CTNNA3: variants seen among roughly 807,000 people sequenced by gnomAD.
CTNNA3 encodes catenin alpha 3, also known as catenin alpha-3.
Under a neutral mutation model 95.7 loss-of-function variants are expected in CTNNA3, and 76 were observed. The observed-to-expected ratio is 0.79, with a 90% CI of 0.66 to 0.96. CTNNA3 has a LOEUF of 0.96. Ranked by LOEUF, CTNNA3 falls within the 40% of genes least tolerant of loss-of-function variation. The pLI is 0.00. For synonymous variants in CTNNA3, 431 were observed against 374.4 expected (o/e 1.15, Z -1.74); for missense variants, 1,191 against 1,089.8 (o/e 1.09, Z -1.31).
intron 11 of CTNNA3, among the ~76,000 whole-genome samples, chr10:66,425,463 G>A (rs2093231476): frequency 6.6e-6 from 1 of 151,120 alleles, no homozygotes; most frequent in Admixed American, 6.6e-5. Flanking sequence ...TTTATTAATT[G>A]TGTAACTGTA....
intron 11 of CTNNA3, among the ~76,000 whole-genome samples, chr10:66,498,440 CA>C (rs1840170191): frequency 6.6e-6 from 1 of 152,058 alleles, no homozygotes; most frequent in African/African-American, 2.4e-5. Flanking sequence ...TTTGTTCATA[CA>C]ACTTATCCAA....
At chr10:66,926,467 T>C in intron 7 of CTNNA3, 1 of 1,200,068 alleles carries the variant, frequency 8.3e-7, no homozygotes, top group South Asian at 1.3e-5. Context: ...GTCCAATTTT[T>C]CTTCCTGGGT....
chr10:67,016,905 A>G (rs1257781042), intron 7 of CTNNA3, among the ~76,000 whole-genome samples: 1 of 152,182 alleles, frequency 6.6e-6, no homozygotes, highest in Non-Finnish European at 1.5e-5. Flanking sequence ...TTTATATCCT[A>G]TCAAAATAAG....
At chr10:66,335,041 A>T (rs967977890) in intron 12 of CTNNA3, among the ~76,000 whole-genome samples, 1 of 151,966 alleles carries the variant, frequency 6.6e-6, no homozygotes, top group African/African-American at 2.4e-5. Context: ...AGGCTTATGC[A>T]TTTGTCATGT....
At chr10:66,789,537 C>A (rs1274391195) in intron 7 of CTNNA3, among the ~76,000 whole-genome samples, 1 of 152,004 alleles carries the variant, frequency 6.6e-6, no homozygotes, top group East Asian at 1.9e-4. Flanking sequence ...TCTAAATTCA[C>A]GAAAATTTAC....
At chr10:67,194,081 A>C (rs2132184240) in intron 6 of CTNNA3, among the ~76,000 whole-genome samples, 1 of 152,020 alleles carries the variant, frequency 6.6e-6, no homozygotes, top group South Asian at 2.1e-4. Context: ...CTTTTTTAAA[A>C]CTATGTTTGT....
chr10:66,614,419 T>A (rs1403412375), intron 10 of CTNNA3, among the ~76,000 whole-genome samples: 2 of 152,022 alleles, frequency 1.3e-5, no homozygotes, highest in African/African-American at 4.8e-5. Flanking sequence ...GGAACAAAAA[T>A]TCCTATCCTC....
intron 3 of CTNNA3, among the ~76,000 whole-genome samples, chr10:67,593,525 G>T (rs1204431590): frequency 6.6e-6 from 1 of 152,100 alleles, no homozygotes; most frequent in African/African-American, 2.4e-5. Flanking sequence ...TGGCTATTGT[G>T]AATGGATTGT....
intron 17 of CTNNA3, among the ~76,000 whole-genome samples, chr10:65,957,874 TTCTTGAGGAGTA>T (rs2077765128): frequency 6.6e-6 from 1 of 152,174 alleles, no homozygotes; most frequent in Non-Finnish European, 1.5e-5. Flanking sequence ...GGAACTGTTC[TTCTTGAGGAGTA>T]TCTTTGTGGT....
At chr10:66,846,424 T>C (rs950808787) in intron 7 of CTNNA3, among the ~76,000 whole-genome samples, 1 of 151,844 alleles carries the variant, frequency 6.6e-6, no homozygotes, top group African/African-American at 2.4e-5. Context: ...TAACATATTG[T>C]ATACTTGAAA....
At chr10:66,232,311 AAG>A (rs1389071061) in intron 13 of CTNNA3, among the ~76,000 whole-genome samples, 1 of 152,222 alleles carries the variant, frequency 6.6e-6, no homozygotes, top group Non-Finnish European at 1.5e-5. Context: ...TCAATATTGT[AAG>A]GATTTCAGTT....
intron 7 of CTNNA3, among the ~76,000 whole-genome samples, chr10:66,971,521 C>G (rs943074073): frequency 2.6e-5 from 4 of 152,114 alleles, no homozygotes; most frequent in African/African-American, 9.7e-5. Flanking sequence ...ATTTGTATGG[C>G]TTTGTGCCAG....
At chr10:66,431,073 A>C (rs2093291059) in intron 11 of CTNNA3, among the ~76,000 whole-genome samples, 1 of 152,144 alleles carries the variant, frequency 6.6e-6, no homozygotes, top group African/African-American at 2.4e-5. Flanking sequence ...AACCCATCAA[A>C]AAGTGGGCAA....
chr10:67,726,810 T>C (rs1277068133), intron 1 of CTNNA3, among the ~76,000 whole-genome samples: 1 of 111,856 alleles, frequency 8.9e-6, no homozygotes, highest in Non-Finnish European at 1.6e-5. Context: ...ATACATCATA[T>C]ATTATAGATA....
intron 15 of CTNNA3, among the ~76,000 whole-genome samples, chr10:66,025,182 G>T (rs1480750332): frequency 6.6e-6 from 1 of 152,208 alleles, no homozygotes; most frequent in East Asian, 1.9e-4. Context: ...ACATACTCCA[G>T]AGTGAACTGG....
At chr10:66,318,140 A>C (rs2092126961) in intron 12 of CTNNA3, among the ~76,000 whole-genome samples, 1 of 151,914 alleles carries the variant, frequency 6.6e-6, no homozygotes, top group African/African-American at 2.4e-5. Context: ...CTTGCTTTGC[A>C]GCTGGCCCAG....
At chr10:66,113,393 G>C (rs534117939) in intron 13 of CTNNA3, among the ~76,000 whole-genome samples, 3 of 152,278 alleles carry the variant, frequency 2.0e-5, no homozygotes, top group Admixed American at 2.0e-4. Context: ...CTCTGAGACA[G>C]AGCTGTGAGT....
chr10:66,874,243 CAG>C (rs1477723912), intron 7 of CTNNA3, among the ~76,000 whole-genome samples: 24 of 152,214 alleles, frequency 1.6e-4, no homozygotes, highest in African/African-American at 5.8e-4. Flanking sequence ...TGATGAATAT[CAG>C]AGCTCAGCAG....
chr10:67,479,476 A>G (rs1254418250), intron 5 of CTNNA3, among the ~76,000 whole-genome samples: 2 of 152,286 alleles, frequency 1.3e-5, no homozygotes, highest in East Asian at 3.9e-4. Flanking sequence ...GTATATTAAA[A>G]TTAAACAACT....
Sources: allele counts gnomAD v4.1 joint callset (sites outside exome capture counted in the v4.1 genomes callset), GRCh38; gene constraint gnomAD v4.1.1; transcripts MANE v1.5; gene names NCBI Gene and HGNC (gene_info 2026-07-23, HGNC 2026-07-21).